GALR2: variants seen among roughly 807,000 people sequenced by gnomAD.
GALR2 encodes the protein galanin receptor 2.
GALR2 carries 5 observed loss-of-function variants against 7.2 expected under a neutral mutation model. That is an observed-to-expected ratio of 0.69 (90% CI 0.36 to 1.45). GALR2 has a LOEUF of 1.45. GALR2 is among the 40% of genes most tolerant of loss of function. GALR2 has a pLI of 0.03. For missense variants in GALR2, 561 were observed against 555.7 expected, an observed-to-expected ratio of 1.01 and a Z score of -0.10; for synonymous variants, 300 against 263.9, an observed-to-expected ratio of 1.14 and a Z score of -1.32.
Position 76,076,493 on chromosome 17 carries a change from A to AC in GALR2, c.369-138dup. On this transcript the variant is annotated intron_variant, in intron 1 of 1. Coordinates refer to ENST00000329003, the MANE Select transcript of GALR2 (RefSeq NM_003857.4). The surrounding 1 kb of genome is among the most constrained non-coding windows in gnomAD (Gnocchi z 6.5). ...CACCTCCGCCCTCACGCCGAGCCTC[A>AC]CCCCCACCTCCTCTGTGTGCGGTGT... 1 of 587,430 alleles carries AC rather than the reference A, an allele frequency of 1.7e-6. No individual in the cohort carries two copies. Among genetic ancestry groups the AC allele is most frequent in the Non-Finnish European group, 2.9e-6 (1 of 338,992 alleles). 36.4% of individuals were successfully genotyped at this position (587,430 alleles called of 1,614,324 possible).
upstream of GALR2, chr17:76,072,045 C>T: frequency 3.3e-6 from 2 of 600,148 alleles, no homozygotes; most frequent in Non-Finnish European, 5.6e-6. The surrounding 1 kb of genome is among the most constrained non-coding windows in gnomAD (Gnocchi z 4.5). Context: ...TGGACAACTG[C>T]GGGGCACCAG....
rs1404719105 is a variant in GALR2 at position 76,075,108 on chromosome 17, C to A, written c.225C>A (p.Ile75=). 1 of 1,612,458 alleles carries A rather than the reference C, an allele frequency of 6.2e-7. No individual in the cohort carries two copies. The highest frequency in any genetic ancestry group is 2.2e-5 in the East Asian group (1 of 44,882). Residue 75 remains isoleucine (I), a synonymous_variant, in exon 1 of 2, where the codon ATC becomes ATA. Coordinates refer to ENST00000329003, the MANE Select transcript of GALR2 (RefSeq NM_003857.4). The surrounding 1 kb of genome is among the most constrained non-coding windows in gnomAD (Gnocchi z 5.9). ...LNLGVADLCF[I]LCCVPFQATI... The stretch of plus-strand genomic sequence containing the variant: ...TGGGCGTGGCCGACCTGTGTTTCAT[C>A]CTGTGCTGCGTGCCCTTCCAGGCCA...
rs2066889363 is a variant in GALR2 at position 76,076,568 on chromosome 17, A to C, written c.369-68A>C. 3.9e-6 allele frequency: 4 copies of C among 1,024,944 alleles called. No homozygotes were observed. In the South Asian group the frequency reaches 5.9e-5, roughly 15 times the overall value. 63.5% of individuals were successfully genotyped at this position (1,024,944 alleles called of 1,614,324 possible). ...GAGAGCAGCCTTGGGACCGAGGTGCAGGGGTCGCGGCCCTCCAGCATGAAT... is the reference window on the plus strand; with the variant it reads ...GAGAGCAGCCTTGGGACCGAGGTGCCGGGGTCGCGGCCCTCCAGCATGAAT... On this transcript the variant is annotated intron_variant, in intron 1 of 1. Transcript: ENST00000329003. This position sits in a 1 kb window ranked among gnomAD's most constrained non-coding sequence, Gnocchi z 6.5.
Position 76,077,402 on chromosome 17 carries a change from G to A in GALR2, c.1135G>A (p.Asp379Asn). The change falls in exon 2 of 2, where the codon GAC (aspartate) becomes AAC (asparagine). Residue 379 changes from aspartate (D) to asparagine (N), a missense_variant. By Grantham distance (23) the Asp-to-Asn change is conservative (BLOSUM62 1). Transcript: ENST00000329003. The stretch of plus-strand genomic sequence containing the variant: ...GTCCTGGCAGGGCCCAAAGGCAGGC[G>A]ACAGCATCCTGACGGTTGATGTGGC... ...GPSWQGPKAG[D>N]SILTVDVA The A allele has an allele frequency of 6.8e-7, 1 of 1,462,680 alleles. No homozygotes were observed. Among genetic ancestry groups the A allele is most frequent in the Non-Finnish European group, 9.0e-7 (1 of 1,113,806 alleles). The allele number at this position is 1,462,680 out of a possible 1,614,324, so 90.6% of individuals were successfully genotyped here.
At chr17:76,072,511 G>C, upstream of GALR2, 1 of 1,577,840 alleles carries the variant, frequency 6.3e-7, no homozygotes, top group Non-Finnish European at 8.5e-7. This position sits in a 1 kb window ranked among gnomAD's most constrained non-coding sequence, Gnocchi z 4.5. Context: ...GCGCCGCAGA[G>C]CAAGACGGGA....
chr17:76,072,273 A>G (rs1044722110), upstream of GALR2: 2 of 1,604,842 alleles, frequency 1.2e-6, no homozygotes, highest in Non-Finnish European at 1.7e-6. The surrounding 1 kb of genome is among the most constrained non-coding windows in gnomAD (Gnocchi z 4.5). Flanking sequence ...TCGACACGTA[A>G]TCATTGCGAG....
Position 76,077,369 on chromosome 17 carries a change from C to A in GALR2, c.1102C>A (p.Pro368Thr), listed in dbSNP as rs1357160901. ...ASQPCILEPCPGPSWQGPKAG... is the reference protein window; with the variant it reads ...ASQPCILEPCTGPSWQGPKAG... Reference sequence around the variant, plus strand: ...CCAGCCATGCATCCTCGAGCCCTGTCCTGGCCCGTCCTGGCAGGGCCCAAA... The same window carrying A: ...CCAGCCATGCATCCTCGAGCCCTGTACTGGCCCGTCCTGGCAGGGCCCAAA... Residue 368 changes from proline (P) to threonine (T), a missense_variant, in exon 2 of 2, where the codon CCT (proline) becomes ACT (threonine). By Grantham distance (38) the Pro-to-Thr change is conservative (BLOSUM62 -1). Transcript: ENST00000329003. 6.9e-7 allele frequency: 1 copy of A among 1,456,000 alleles called. No individual in the cohort carries two copies. Among genetic ancestry groups the A allele is most frequent in the South Asian group, 1.4e-5 (1 of 73,230 alleles). The allele number at this position is 1,456,000 out of a possible 1,614,324, so 90.2% of individuals were successfully genotyped here.
chr17:76,072,052 C>T (rs1319603314), upstream of GALR2: 4 of 630,430 alleles, frequency 6.3e-6, no homozygotes, highest in South Asian at 8.2e-5. This position sits in a 1 kb window ranked among gnomAD's most constrained non-coding sequence, Gnocchi z 4.5. Flanking sequence ...CTGCGGGGCA[C>T]CAGGGGAAAC....
Position 76,075,154 on chromosome 17 carries a change from TGGG to T in GALR2, c.272_274del (p.Trp91_Val92delinsLeu). The T allele has an allele frequency of 1.9e-6, 3 of 1,612,382 alleles. No homozygotes were observed. Among genetic ancestry groups the T allele is most frequent in the Non-Finnish European group, 1.7e-6 (2 of 1,179,828 alleles). On this transcript the variant is annotated inframe_deletion, in exon 1 of 2. Transcript: ENST00000329003. The surrounding 1 kb of genome is among the most constrained non-coding windows in gnomAD (Gnocchi z 5.9). Reference sequence around the variant, plus strand: ...GGCCACCATCTACACCCTGGACGGCTGGGTGTTCGGCTCGCTGCTGTGCAAGGC... The same window carrying T: ...GGCCACCATCTACACCCTGGACGGCTTGTTCGGCTCGCTGCTGTGCAAGGC...
At chr17:76,072,145 C>G, upstream of GALR2, 2 of 1,349,644 alleles carry the variant, frequency 1.5e-6, no homozygotes, top group Non-Finnish European at 2.0e-6. The surrounding 1 kb of genome is among the most constrained non-coding windows in gnomAD (Gnocchi z 4.5). Flanking sequence ...AGTCGAGAGA[C>G]AGACCCCCCC....
upstream of GALR2, chr17:76,072,416 CGCCGCCGCCACT>C: frequency 6.3e-7 from 1 of 1,585,052 alleles, no homozygotes; most frequent in Non-Finnish European, 8.6e-7. This position sits in a 1 kb window ranked among gnomAD's most constrained non-coding sequence, Gnocchi z 4.5. Flanking sequence ...CCGCCGCTAC[CGCCGCCGCCACT>C]GCCACCGCCG....
At chr17:76,073,748 T>A (rs1324886397), upstream of GALR2, among the ~76,000 whole-genome samples, 2 of 151,694 alleles carry the variant, frequency 1.3e-5, no homozygotes, top group African/African-American at 4.8e-5. Context: ...ATTTCCTTGT[T>A]ACAGCTGAGG....
chr17:76,077,406 G>A lies in GALR2; in HGVS notation c.1139G>A (p.Ser380Asn). ...TGGCAGGGCCCAAAGGCAGGCGACA[G>A]CATCCTGACGGTTGATGTGGCCTGA... ...PSWQGPKAGD[S>N]ILTVDVA The change falls in exon 2 of 2, where the codon AGC becomes AAC. Residue 380 changes from serine (S) to asparagine (N), a missense_variant. Ser to Asn is a conservative substitution (Grantham distance 46). Transcript: ENST00000329003. 6.9e-7 allele frequency: 1 copy of A among 1,458,554 alleles called. No homozygotes were observed. The highest frequency in any genetic ancestry group is 2.5e-5 in the East Asian group (1 of 40,430). The allele number at this position is 1,458,554 out of a possible 1,614,324, so 90.4% of individuals were successfully genotyped here. A position where few individuals can be genotyped will look rare whatever the true frequency, so the allele number is the denominator to read the frequency against.
rs745961573 is a variant in GALR2 at position 76,075,086 on chromosome 17, G to T, written c.203G>T (p.Gly68Val). ...STTNLFILNL[G>V]VADLCFILCC... is the part of the protein sequence containing the mutation. ...ACCAACCTGTTCATCCTTAACCTGGGCGTGGCCGACCTGTGTTTCATCCTG... is the reference window on the plus strand; with the variant it reads ...ACCAACCTGTTCATCCTTAACCTGGTCGTGGCCGACCTGTGTTTCATCCTG... Residue 68 changes from glycine (G) to valine (V), a missense_variant, in exon 1 of 2, where the codon GGC (glycine) becomes GTC (valine). Transcript: ENST00000329003. This position sits in a 1 kb window ranked among gnomAD's most constrained non-coding sequence, Gnocchi z 5.9. The T allele has an allele frequency of 6.2e-6, 10 of 1,612,024 alleles. No homozygotes were observed. The South Asian group carries it at 1.1e-4, about 18-fold the overall frequency.
chr17:76,077,532 C>T lies in GALR2; in HGVS notation c.*101C>T, dbSNP rs2144551030. The T allele has an allele frequency of 9.6e-7, 1 of 1,047,028 alleles. No individual in the cohort carries two copies. The highest frequency in any genetic ancestry group is 1.3e-6 in the Non-Finnish European group (1 of 746,110). The allele number at this position is 1,047,028 out of a possible 1,614,324, so 64.9% of individuals were successfully genotyped here. A position where few individuals can be genotyped will look rare whatever the true frequency, so the allele number is the denominator to read the frequency against. Reference sequence around the variant, plus strand: ...TTAATAAAACGCACAAACCATTTCACACACAGTGACAGCGCTGTTTCGCGT... The same window carrying T: ...TTAATAAAACGCACAAACCATTTCATACACAGTGACAGCGCTGTTTCGCGT... On this transcript the variant is annotated 3_prime_UTR_variant, in exon 2 of 2. Transcript: ENST00000329003.
At chr17:76,072,149 C>A, upstream of GALR2, 2 of 1,230,548 alleles carry the variant, frequency 1.6e-6, no homozygotes, top group Non-Finnish European at 1.1e-6. The surrounding 1 kb of genome is among the most constrained non-coding windows in gnomAD (Gnocchi z 4.5). Flanking sequence ...GAGAGACAGA[C>A]CCCCCCCGGA....
chr17:76,072,007 G>A (rs1254908789), upstream of GALR2: 1 of 506,884 alleles, frequency 2.0e-6, no homozygotes. This position sits in a 1 kb window ranked among gnomAD's most constrained non-coding sequence, Gnocchi z 4.5. Flanking sequence ...AGGTGCTCAA[G>A]GTGTCACTTG....
chr17:76,075,366 C>A lies in GALR2; in HGVS notation c.368+115C>A. On this transcript the variant is annotated intron_variant, in intron 1 of 1. Transcript: ENST00000329003. The surrounding 1 kb of genome is among the most constrained non-coding windows in gnomAD (Gnocchi z 5.9). ...AGAGTGGGACAGGACACTAAGAAGG[C>A]AGTGGAAGACAAGCGGGCGCGGAGG... 8.8e-7 allele frequency: 1 copy of A among 1,133,662 alleles called. No individual in the cohort carries two copies. Among genetic ancestry groups the A allele is most frequent in the Non-Finnish European group, 1.2e-6 (1 of 806,010 alleles). The allele number at this position is 1,133,662 out of a possible 1,614,324, so 70.2% of individuals were successfully genotyped here. A position where few individuals can be genotyped will look rare whatever the true frequency, so the allele number is the denominator to read the frequency against.
At position 76,075,377 on chromosome 17, in the gene GALR2, A is replaced by C. The variant is rs2066883857; in HGVS notation, c.368+126A>C. The C allele has an allele frequency of 1.9e-6, 2 of 1,049,184 alleles. No homozygotes were observed. Among genetic ancestry groups the C allele is most frequent in the Non-Finnish European group, 2.7e-6 (2 of 732,962 alleles). The allele number at this position is 1,049,184 out of a possible 1,614,324, so 65.0% of individuals were successfully genotyped here. The stretch of plus-strand genomic sequence containing the variant: ...GGACACTAAGAAGGCAGTGGAAGAC[A>C]AGCGGGCGCGGAGGAGGAAAAAGAG... On this transcript the variant is annotated intron_variant, in intron 1 of 1. Coordinates refer to ENST00000329003, the MANE Select transcript of GALR2 (RefSeq NM_003857.4). The surrounding 1 kb of genome is among the most constrained non-coding windows in gnomAD (Gnocchi z 5.9).
Sources: gnomAD v4.1 joint callset for allele counts (sites outside exome capture counted in the v4.1 genomes callset) on GRCh38, gnomAD v4.1.1 for gene constraint, Gnocchi (gnomAD v3.1) non-coding constraint, MANE v1.5 for transcripts, NCBI Gene and HGNC (gene_info 2026-07-23, HGNC 2026-07-21) for gene names.